ZNF148: variants seen among roughly 807,000 people sequenced by gnomAD.
ZNF148 encodes zinc finger protein 148, also known as Beta-Enolase Repressor Factor-1.
A neutral mutation model predicts 67.7 loss-of-function variants in ZNF148; 7 were observed. That is an observed-to-expected ratio of 0.10 (90% CI 0.06 to 0.19). ZNF148 has a LOEUF of 0.19. Ranked by LOEUF, ZNF148 falls within the 10% of genes least tolerant of loss-of-function variation. ZNF148 has a pLI of 1.00. For missense variants in ZNF148, 583 were observed against 947.1 expected (o/e 0.62, Z 5.05); for synonymous variants, 333 against 330.7 (o/e 1.01, Z -0.08).
At chr3:125,324,298 C>CGCATG (rs1156400860) in intron 2 of ZNF148, among the ~76,000 whole-genome samples, 1 of 152,038 alleles carries the variant, frequency 6.6e-6, no homozygotes, top group Non-Finnish European at 1.5e-5. Flanking sequence ...ACAGAACTAA[C>CGCATG]GCATGCCAAA....
At chr3:125,251,002 T>C (rs1007381138) in intron 7 of ZNF148, among the ~76,000 whole-genome samples, 1 of 152,238 alleles carries the variant, frequency 6.6e-6, no homozygotes, top group Non-Finnish European at 1.5e-5. Flanking sequence ...CAGCAAATTT[T>C]ATTTCGTCTA....
At chr3:125,293,390 T>A (rs1235839124) in intron 4 of ZNF148, among the ~76,000 whole-genome samples, 3 of 152,194 alleles carry the variant, frequency 2.0e-5, no homozygotes, top group Admixed American at 6.5e-5. Flanking sequence ...GCTTGTTTGC[T>A]GAGGTCACTG....
chr3:125,321,281 G>C (rs1383432707), intron 3 of ZNF148, among the ~76,000 whole-genome samples: 1 of 152,032 alleles, frequency 6.6e-6, no homozygotes. Context: ...TCTCTGATCA[G>C]TGCTAACAAG....
intron 1 of ZNF148, among the ~76,000 whole-genome samples, chr3:125,336,607 A>G (rs1476815154): frequency 1.3e-5 from 2 of 150,502 alleles, no homozygotes; most frequent in African/African-American, 4.9e-5. Context: ...CTAATAGTAT[A>G]TTTTTTATAA....
chr3:125,234,514 T>C (rs535894285), intron 7 of ZNF148, among the ~76,000 whole-genome samples, 185 bp from the exon 8 acceptor site: 22 of 152,342 alleles, frequency 1.4e-4, no homozygotes, highest in African/African-American at 5.3e-4. Context: ...AAAGGATGAA[T>C]ACAGGCACAG....
At chr3:125,289,393 C>G (rs1938883309) in intron 4 of ZNF148, among the ~76,000 whole-genome samples, 1 of 152,150 alleles carries the variant, frequency 6.6e-6, no homozygotes, top group African/African-American at 2.4e-5. Context: ...GTGAGAATCA[C>G]AAATCAAGAA....
chr3:125,234,930 A>G (rs1936017141), intron 7 of ZNF148, among the ~76,000 whole-genome samples: 2 of 152,178 alleles, frequency 1.3e-5, no homozygotes, highest in African/African-American at 4.8e-5. Flanking sequence ...CACATAACAC[A>G]TAACCCCCAT....
At chr3:125,242,108 G>A (rs1936391691) in intron 7 of ZNF148, among the ~76,000 whole-genome samples, 1 of 152,170 alleles carries the variant, frequency 6.6e-6, no homozygotes, top group South Asian at 2.1e-4. Context: ...TGTCTATAAT[G>A]AGTTTCAGGA....
chr3:125,265,380 G>A (rs1937512305), intron 7 of ZNF148, among the ~76,000 whole-genome samples: 7 of 152,190 alleles, frequency 4.6e-5, no homozygotes, highest in Admixed American at 4.6e-4. Flanking sequence ...TTCCCAGCCA[G>A]TCTCTAGCAT....
chr3:125,305,154 A>G (rs1309884688), intron 4 of ZNF148, among the ~76,000 whole-genome samples: 1 of 152,236 alleles, frequency 6.6e-6, no homozygotes, highest in Non-Finnish European at 1.5e-5. Flanking sequence ...CAATTGATCA[A>G]AGTGAACCAT....
At chr3:125,304,663 T>C (rs899550036) in intron 4 of ZNF148, among the ~76,000 whole-genome samples, 4 of 152,178 alleles carry the variant, frequency 2.6e-5, no homozygotes, top group African/African-American at 9.7e-5. Flanking sequence ...GTTTTCAATA[T>C]TGATAGATAT....
chr3:125,346,184 T>A (rs1473248700), intron 1 of ZNF148, among the ~76,000 whole-genome samples: 1 of 152,196 alleles, frequency 6.6e-6, no homozygotes, highest in African/African-American at 2.4e-5. Context: ...AAAATCAATA[T>A]AATACACCAC....
At position 125,252,636 on chromosome 3, in the gene ZNF148, C is replaced by T. The variant is rs542344525; in HGVS notation, c.668-18307G>A. ...TACAAAAATTAGCTGGGGGTGGTGG[C>T]GCATGCCTGTAATCCCAGCTAATCA... On this transcript the variant is annotated intron_variant, in intron 7 of 8. Transcript: ENST00000360647. Among the ~76,000 whole-genome samples, 6 of 151,986 alleles carry T rather than the reference C, an allele frequency of 3.9e-5. 1 individual carries two copies. In the South Asian group the frequency reaches 8.3e-4, roughly 21 times the overall value.
intron 7 of ZNF148, among the ~76,000 whole-genome samples, chr3:125,247,900 G>A (rs1161600664): frequency 2.6e-5 from 4 of 152,072 alleles, no homozygotes; most frequent in African/African-American, 9.7e-5. Flanking sequence ...AAGTATACAT[G>A]AAAAATACAA....
intron 1 of ZNF148, among the ~76,000 whole-genome samples, chr3:125,369,996 T>C (rs1031869255): frequency 3.3e-5 from 5 of 150,900 alleles, no homozygotes; most frequent in African/African-American, 9.9e-5. Flanking sequence ...AAAAAAAAAA[T>C]TGTAAATACT....
rs1157429366 is a variant in ZNF148 at position 125,325,138 on chromosome 3, A to G, written c.-152-1694T>C. ...TTTTAATTATGAAAAACTGCAATCAACAAATAAGAGATCTTCAACAAAGAT... is the reference window on the plus strand; with the variant it reads ...TTTTAATTATGAAAAACTGCAATCAGCAAATAAGAGATCTTCAACAAAGAT... On this transcript the variant is annotated intron_variant, in intron 2 of 8. Transcript: ENST00000360647. Among the ~76,000 whole-genome samples the G allele has an allele frequency of 4.6e-5, 7 of 152,302 alleles. No individual in the cohort carries two copies. In the East Asian group the frequency reaches 1.3e-3, roughly 29 times the overall value.
At chr3:125,373,449 G>A (rs1942956736) in intron 1 of ZNF148, among the ~76,000 whole-genome samples, 1 of 151,966 alleles carries the variant, frequency 6.6e-6, no homozygotes, top group South Asian at 2.1e-4. Flanking sequence ...TAAGAGTATG[G>A]TTCTAGCCCA....
At chr3:125,258,422 C>CAAAAAA (rs34739205) in intron 7 of ZNF148, among the ~76,000 whole-genome samples, 6 of 56,266 alleles carry the variant, frequency 1.1e-4, no homozygotes, top group African/African-American at 1.6e-4. Flanking sequence ...GACTCCATCT[C>CAAAAAA]AAAAAAAAAA....
intron 7 of ZNF148, among the ~76,000 whole-genome samples, chr3:125,270,617 T>C (rs1433358986): frequency 1.3e-5 from 2 of 152,326 alleles, no homozygotes; most frequent in African/African-American, 2.4e-5. Flanking sequence ...GAGAAACTTA[T>C]CTTGTTTCAG....
Sources: gnomAD v4.1 joint callset for allele counts (sites outside exome capture counted in the v4.1 genomes callset) on GRCh38, gnomAD v4.1.1 for gene constraint, MANE v1.5 for transcripts, NCBI Gene and HGNC (gene_info 2026-07-23, HGNC 2026-07-21) for gene names.